The following KLF8 variants were observed in gnomAD, a reference collection of about 807,000 sequenced individuals.
KLF8 encodes the protein Krueppel-like factor 8.
A neutral mutation model predicts 18.2 loss-of-function variants in KLF8; 10 were observed. The ratio of observed to expected loss-of-function variants is 0.55; its 90% CI spans 0.34 to 0.93. The LOEUF (loss-of-function observed/expected upper bound fraction) is 0.93, where lower values mean the gene tolerates loss of function less well. Ranked by LOEUF, KLF8 falls within the 40% of genes least tolerant of loss-of-function variation. The pLI, the probability that KLF8 is intolerant of heterozygous loss-of-function variation, is 0.02. For synonymous variants in KLF8, 109 were observed against 97.3 expected, an observed-to-expected ratio of 1.12 and a Z score of -0.71; for missense variants, 264 against 277.9, an observed-to-expected ratio of 0.95 and a Z score of 0.36.
the KLF8 span, among the ~76,000 whole-genome samples, chrX:55,992,510 A>G: frequency 4.5e-5 from 5 of 111,791 alleles, no homozygotes; most frequent in Admixed American, 4.7e-4. Flanking sequence ...GCCTTGTAAT[A>G]CCATTTAAGT....
chrX:56,028,188 G>C, the KLF8 span, among the ~76,000 whole-genome samples: 4 of 112,127 alleles, frequency 3.6e-5, no homozygotes, highest in East Asian at 1.1e-3. Flanking sequence ...TCCCAGAGCT[G>C]GGACTGACAT....
At chrX:56,073,946 C>T in the KLF8 span, among the ~76,000 whole-genome samples, 3 of 111,451 alleles carry the variant, frequency 2.7e-5, no homozygotes, top group Non-Finnish European at 3.8e-5. Flanking sequence ...GGGGGTTTCA[C>T]CATGTTGGCC....
chrX:56,235,551 G>A (rs1183653962), intron 1 of KLF8, among the ~76,000 whole-genome samples: 2 of 108,813 alleles, frequency 1.8e-5, no homozygotes, highest in African/African-American at 6.7e-5. Flanking sequence ...TGAGTAGCTG[G>A]GATTACAGGC....
the KLF8 span, among the ~76,000 whole-genome samples, chrX:55,969,367 G>T: frequency 1.4e-4 from 16 of 111,780 alleles, no homozygotes; most frequent in African/African-American, 4.9e-4. Context: ...GGTCAAAGAT[G>T]AAATTAAGAA....
At chrX:56,072,860 CCCTT>C in the KLF8 span, among the ~76,000 whole-genome samples, 2 of 111,891 alleles carry the variant, frequency 1.8e-5, no homozygotes, top group African/African-American at 6.5e-5. Flanking sequence ...CTTTAACTCT[CCCTT>C]CCTGCAGTTT....
chrX:55,960,607 A>AG, the KLF8 span, among the ~76,000 whole-genome samples: 1 of 17,480 alleles, frequency 5.7e-5, no homozygotes, highest in African/African-American at 6.2e-5. Flanking sequence ...GAAGGAGAAA[A>AG]AAAGAAGAAG....
intron 2 of KLF8, among the ~76,000 whole-genome samples, chrX:56,256,891 C>T (rs750230788): frequency 4.5e-5 from 5 of 111,012 alleles, no homozygotes; most frequent in African/African-American, 1.3e-4. Flanking sequence ...TTAGTAGAGA[C>T]GGGGTTTCTC....
At chrX:56,146,874 T>C in the KLF8 span, among the ~76,000 whole-genome samples, 2 of 111,895 alleles carry the variant, frequency 1.8e-5, no homozygotes, top group African/African-American at 3.2e-5. Flanking sequence ...TTTCGTTATA[T>C]GAATAGAGAC....
At chrX:55,983,049 G>A in the KLF8 span, among the ~76,000 whole-genome samples, 1 of 111,592 alleles carries the variant, frequency 9.0e-6, no homozygotes, top group Non-Finnish European at 1.9e-5. Flanking sequence ...TTTTATTAGT[G>A]TTTTTTAAAT....
the KLF8 span, among the ~76,000 whole-genome samples, chrX:56,227,058 C>A: frequency 4.5e-5 from 5 of 112,162 alleles, no homozygotes; most frequent in Non-Finnish European, 9.4e-5. Flanking sequence ...TATTCTCTCC[C>A]TTTTACTTTC....
chrX:56,064,831 T>C, the KLF8 span, among the ~76,000 whole-genome samples: 1 of 111,742 alleles, frequency 8.9e-6, no homozygotes, highest in Non-Finnish European at 1.9e-5. Flanking sequence ...GGAAGGACTA[T>C]TTCTCATCCA....
the KLF8 span, among the ~76,000 whole-genome samples, chrX:56,057,351 G>C: frequency 3.6e-5 from 4 of 111,041 alleles, no homozygotes; most frequent in African/African-American, 1.3e-4. Context: ...GAGGGTGGTG[G>C]TTTGTATATT....
At chrX:55,954,048 C>A in the KLF8 span, among the ~76,000 whole-genome samples, 1 of 109,638 alleles carries the variant, frequency 9.1e-6, no homozygotes, top group Non-Finnish European at 1.9e-5. Flanking sequence ...ATTTGCAAAT[C>A]ATACTGTTTG....
chrX:56,050,410 T>C, the KLF8 span, among the ~76,000 whole-genome samples: 1 of 112,383 alleles, frequency 8.9e-6, no homozygotes, highest in Non-Finnish European at 1.9e-5. Context: ...CATTTAGTGC[T>C]ATAAATTTCC....
chrX:56,245,197 C>A (rs753571759), intron 1 of KLF8, among the ~76,000 whole-genome samples: 5 of 111,954 alleles, frequency 4.5e-5, no homozygotes, highest in African/African-American at 1.3e-4. Context: ...TTCTTAGGCC[C>A]GGGTCAGGGT....
the KLF8 span, among the ~76,000 whole-genome samples, chrX:55,982,196 A>G: frequency 8.9e-6 from 1 of 111,926 alleles, no homozygotes; most frequent in Non-Finnish European, 1.9e-5. Context: ...GATATATTAA[A>G]GCAAGTTAAG....
At chrX:56,189,501 C>G in the KLF8 span, among the ~76,000 whole-genome samples, 1 of 110,747 alleles carries the variant, frequency 9.0e-6, no homozygotes, top group Non-Finnish European at 1.9e-5. Flanking sequence ...ACCATTTGAC[C>G]CAGCCATGCC....
At chrX:56,207,534 AG>A in the KLF8 span, among the ~76,000 whole-genome samples, 3 of 111,633 alleles carry the variant, frequency 2.7e-5, no homozygotes, top group Non-Finnish European at 5.6e-5. Context: ...TCTCTAGGAC[AG>A]GGGGAAAATG....
At chrX:56,117,850 G>T in the KLF8 span, among the ~76,000 whole-genome samples, 1 of 111,783 alleles carries the variant, frequency 8.9e-6, no homozygotes, top group Non-Finnish European at 1.9e-5. Context: ...CTAGGACAAA[G>T]TACCATAGAT....
Sources: gnomAD v4.1 joint callset for allele counts (sites outside exome capture counted in the v4.1 genomes callset) on GRCh38, gnomAD v4.1.1 for gene constraint, MANE v1.5 for transcripts, NCBI Gene and HGNC (gene_info 2026-07-23, HGNC 2026-07-21) for gene names.